Variants in SLC66A2 observed in about 807,000 individuals in gnomAD.
The protein encoded by SLC66A2 is solute carrier family 66 member 2.
In SLC66A2, 23 loss-of-function variants were observed where a neutral mutation model predicts 25.5. The ratio of observed to expected loss-of-function variants is 0.90; its 90% CI spans 0.65 to 1.28. The LOEUF is 1.28. Among genes scored for constraint, SLC66A2 ranks in the 50% most tolerant of loss-of-function variants. The probability of loss-of-function intolerance (pLI) is 0.00; values close to 1 mark genes in which losing one functional copy is unlikely to be tolerated. For missense variants in SLC66A2, 396 were observed against 373.1 expected (o/e 1.06, Z -0.51); for synonymous variants, 193 against 166.5 (o/e 1.16, Z -1.23).
At chr18:79,926,251 T>A (rs1985935057) in intron 4 of SLC66A2, among the ~76,000 whole-genome samples, 1 of 152,176 alleles carries the variant, frequency 6.6e-6, no homozygotes, top group East Asian at 1.9e-4. Context: ...TTCCTTTACT[T>A]CCCTAATAAA....
At position 79,950,965 on chromosome 18, in the gene SLC66A2, G is replaced by A. The variant is rs754315074; in HGVS notation, c.-39C>T. On this transcript the variant is annotated 5_prime_UTR_variant, in exon 2 of 6. Coordinates refer to ENST00000397778, the MANE Select transcript of SLC66A2 (RefSeq NM_025078.5). ...TGGCCGAGGCTGTCACGGGCTCCGC[G>A]CCCCGCGGGCCACCGGCCGCCTGCT... is the stretch of plus-strand genomic sequence containing the variant. The A allele has an allele frequency of 1.7e-5, 25 of 1,432,574 alleles. No homozygotes were observed. The highest frequency in any genetic ancestry group is 2.2e-5 in the Non-Finnish European group (24 of 1,088,822). The allele number at this position is 1,432,574 out of a possible 1,614,324, so 88.7% of individuals were successfully genotyped here. A position where few individuals can be genotyped will look rare whatever the true frequency, so the allele number is the denominator to read the frequency against.
rs578021350 is a variant in SLC66A2 at position 79,950,850 on chromosome 18, A to G, written c.77T>C (p.Val26Ala). The change falls in exon 2 of 6, where the codon GTC becomes GCC. Residue 26 changes from valine to alanine, a missense_variant. Val to Ala is a moderately conservative substitution (Grantham distance 64, BLOSUM62 0). Coordinates refer to ENST00000397778, the MANE Select transcript of SLC66A2 (RefSeq NM_025078.5). ...LVSWGAAAAM[V>A]FGGVVPYVPQ... ...GACGTAGGGCACCACCCCTCCGAAG[A>G]CCATGGCCGCGGCCGCGCCCCAGGA... 1 of 1,611,180 alleles carries G rather than the reference A, an allele frequency of 6.2e-7. No individual in the cohort carries two copies.
rs1203694470 is a variant in SLC66A2 at position 79,917,844 on chromosome 18, C to A, written c.608+1340G>T. On this transcript the variant is annotated intron_variant, in intron 5 of 5. Transcript: ENST00000397778. The surrounding 1 kb of genome is among the most constrained non-coding windows in gnomAD (Gnocchi z 6.0). Reference sequence around the variant, plus strand: ...TCCCCACCTGCACCCCACACCACACCCCAACCTGTACCTACCTCACACCAT... The same window carrying A: ...TCCCCACCTGCACCCCACACCACACACCAACCTGTACCTACCTCACACCAT... 6.6e-6 allele frequency among the ~76,000 whole-genome samples: 1 copy of A among 151,832 alleles called. No individual in the cohort carries two copies. The highest frequency in any genetic ancestry group is 6.6e-5 in the Admixed American group (1 of 15,244).
At chr18:79,912,968 AG>A (rs1184972865) in intron 5 of SLC66A2, among the ~76,000 whole-genome samples, 1 of 152,176 alleles carries the variant, frequency 6.6e-6, no homozygotes, top group African/African-American at 2.4e-5. Context: ...ACGTGGCCCC[AG>A]GGGAGACATG....
chr18:79,911,515 CCTCA>C (rs1983110624), intron 5 of SLC66A2, among the ~76,000 whole-genome samples: 1 of 152,378 alleles, frequency 6.6e-6, no homozygotes, highest in South Asian at 2.1e-4. Context: ...CGCCCGGCTC[CCTCA>C]CTGTTAGCGT....
intron 3 of SLC66A2, among the ~76,000 whole-genome samples, chr18:79,939,893 C>T (rs11081573): frequency 0.64 from 96,795 of 152,040 alleles, 32,453 homozygotes; most frequent in Non-Finnish European, 0.72. Context: ...ATATAAATCG[C>T]TCTACTATAG....
chr18:79,951,327 G>A, intron 1 of SLC66A2, among the ~76,000 whole-genome samples: 1 of 151,604 alleles, frequency 6.6e-6, no homozygotes. Flanking sequence ...GGGTGGGGGA[G>A]GGGGCGCAGG....
chr18:79,922,282 G>GA (rs147083635), intron 4 of SLC66A2, among the ~76,000 whole-genome samples: 1,061 of 102,784 alleles, frequency 0.01, 11 homozygotes, highest in African/African-American at 0.037. Context: ...TCTTTGAAAA[G>GA]AAAAAAAAAA....
In SLC66A2 at chr18:79,904,309, A is replaced by AC. The variant is rs1568285548; in HGVS notation, c.609-127dup. On this transcript the variant is annotated intron_variant, in intron 5 of 5. Coordinates refer to ENST00000397778, the MANE Select transcript of SLC66A2 (RefSeq NM_025078.5). This position sits in a 1 kb window ranked among gnomAD's most constrained non-coding sequence, Gnocchi z 6.3. ...CAGGGGCACCCAGGGGGCTAAGGGG[A>AC]CCCCCAGGCAGTCGGCGGGGAGGCC... 6.1e-6 allele frequency: 5 copies of AC among 821,610 alleles called. No individual in the cohort carries two copies. Among genetic ancestry groups the AC allele is most frequent in the African/African-American group, 5.3e-5 (3 of 56,358 alleles). 50.9% of individuals were successfully genotyped at this position (821,610 alleles called of 1,614,324 possible).
Position 79,903,926 on chromosome 18 carries a change from GCCCACCAGTGCCCGCGGCTGGCGGT to G in SLC66A2, c.*25_*49del. The G allele has an allele frequency of 6.5e-7, 1 of 1,529,618 alleles. No homozygotes were observed. The highest frequency in any genetic ancestry group is 8.8e-7 in the Non-Finnish European group (1 of 1,133,010). The allele number at this position is 1,529,618 out of a possible 1,614,324, so 94.8% of individuals were successfully genotyped here. Reference sequence around the variant, plus strand: ...CCACCCTCCCCGCGGGGAGGTCAGGGCCCACCAGTGCCCGCGGCTGGCGGTCCCACATCCTCGTCCTCCCCACTGT... The same window carrying G: ...CCACCCTCCCCGCGGGGAGGTCAGGGCCCACATCCTCGTCCTCCCCACTGT... On this transcript the variant is annotated 3_prime_UTR_variant, in exon 6 of 6. Transcript: ENST00000397778.
At chr18:79,913,008 C>T (rs755527318) in intron 5 of SLC66A2, among the ~76,000 whole-genome samples, 65 of 152,198 alleles carry the variant, frequency 4.3e-4, no homozygotes, top group Non-Finnish European at 9.0e-4. Context: ...AGGACCCACA[C>T]AGCCTGCTCT....
intron 5 of SLC66A2, among the ~76,000 whole-genome samples, chr18:79,906,933 T>A (rs1333098771): frequency 6.6e-6 from 1 of 152,220 alleles, no homozygotes; most frequent in African/African-American, 2.4e-5. Context: ...TCAAGGCAAA[T>A]GTCCTTTACT....
At chr18:79,908,228 T>C (rs916816155) in intron 5 of SLC66A2, among the ~76,000 whole-genome samples, 2 of 152,168 alleles carry the variant, frequency 1.3e-5, no homozygotes, top group Admixed American at 6.5e-5. Flanking sequence ...CTTTTTTTAG[T>C]ATTTCCTGTT....
At chr18:79,945,960 G>A (rs892929101) in intron 2 of SLC66A2, among the ~76,000 whole-genome samples, 2 of 152,214 alleles carry the variant, frequency 1.3e-5, no homozygotes, top group Admixed American at 1.3e-4. Flanking sequence ...GACACACGGA[G>A]GCCACTTCAC....
chr18:79,939,644 G>A (rs1398509828), intron 3 of SLC66A2, among the ~76,000 whole-genome samples: 1 of 152,118 alleles, frequency 6.6e-6, no homozygotes, highest in Non-Finnish European at 1.5e-5. Flanking sequence ...CAACATCACT[G>A]ATCATTAGAG....
Position 79,950,860 on chromosome 18 carries a change from C to T in SLC66A2, c.67G>A (p.Ala23Thr). 1.2e-6 allele frequency: 2 copies of T among 1,609,126 alleles called. No individual in the cohort carries two copies. The highest frequency in any genetic ancestry group is 1.7e-6 in the Non-Finnish European group (2 of 1,178,484). ...ACCACCCCTCCGAAGACCATGGCCG[C>T]GGCCGCGCCCCAGGACACCAGCTGG... ...LHQLVSWGAA[A>T]AMVFGGVVPY... Residue 23 changes from alanine to threonine, a missense_variant, in exon 2 of 6, where the codon GCG (alanine) becomes ACG (threonine). Physicochemically the swap from Ala to Thr is moderately conservative, Grantham distance 58. Transcript: ENST00000397778.
intron 5 of SLC66A2, among the ~76,000 whole-genome samples, chr18:79,907,304 A>G (rs766461882): frequency 3.2e-5 from 3 of 93,390 alleles, no homozygotes; most frequent in Non-Finnish European, 7.1e-5. Context: ...TAATTTATCT[A>G]TTTGGTTTTT....
In SLC66A2 at chr18:79,927,213, G is replaced by A. The variant is rs1273662213; in HGVS notation, c.391+6756C>T. Among the ~76,000 whole-genome samples the A allele has an allele frequency of 6.6e-6, 1 of 152,170 alleles. No individual in the cohort carries two copies. The highest frequency in any genetic ancestry group is 1.5e-5 in the Non-Finnish European group (1 of 68,040). On this transcript the variant is annotated intron_variant, in intron 4 of 5. Coordinates refer to ENST00000397778, the MANE Select transcript of SLC66A2 (RefSeq NM_025078.5). This position sits in a 1 kb window ranked among gnomAD's most constrained non-coding sequence, Gnocchi z 6.2. ...CGGCCACCTGGGAGGGAACAAACAG[G>A]CACTGCCCAGACCCGGAGCTGCAGG...
At chr18:79,911,050 G>C (rs1983037037) in intron 5 of SLC66A2, among the ~76,000 whole-genome samples, 1 of 152,260 alleles carries the variant, frequency 6.6e-6, no homozygotes, top group South Asian at 2.1e-4. Context: ...CCTCAGGTGG[G>C]GACAAGTGGG....
Sources: gnomAD v4.1 joint callset for allele counts (sites outside exome capture counted in the v4.1 genomes callset) on GRCh38, gnomAD v4.1.1 for gene constraint, Gnocchi (gnomAD v3.1) non-coding constraint, MANE v1.5 for transcripts, NCBI Gene and HGNC (gene_info 2026-07-23, HGNC 2026-07-21) for gene names.